Variants in LEKR1 observed in about 807,000 individuals in gnomAD.
LEKR1 encodes the protein leucine, glutamate and lysine rich 1.
In LEKR1, 59 loss-of-function variants were observed where a neutral mutation model predicts 72.4. The ratio of observed to expected loss-of-function variants is 0.82; its 90% CI spans 0.66 to 1.01. The LOEUF (loss-of-function observed/expected upper bound fraction) is 1.01, where lower values mean the gene tolerates loss of function less well. LEKR1 is among the 50% of genes least tolerant of loss of function. The pLI, the probability that LEKR1 is intolerant of heterozygous loss-of-function variation, is 0.00. For synonymous variants in LEKR1, 257 were observed against 263.2 expected, an observed-to-expected ratio of 0.98 and a Z score of 0.23; for missense variants, 728 against 759.2, an observed-to-expected ratio of 0.96 and a Z score of 0.48.
Position 156,861,466 on chromosome 3 carries a change from A to T in LEKR1, c.263+8484A>T, listed in dbSNP as rs369386879. On this transcript the variant is annotated intron_variant, in intron 3 of 12. Coordinates refer to ENST00000356539, the MANE Select transcript of LEKR1 (RefSeq NM_001004316.3). ...GATGGGGCCTACTTCCTAGGGAACT[A>T]TTTTCAATCTCTGGGGCCTTTTCAA... 1.8e-4 allele frequency among the ~76,000 whole-genome samples: 27 copies of T among 152,150 alleles called. No homozygotes were observed. In the South Asian group the frequency reaches 5.6e-3, roughly 32 times the overall value.
At chr3:156,992,614 T>C in intron 7 of LEKR1, 39 bp from the exon 8 acceptor site, 1 of 401,112 alleles carries the variant, frequency 2.5e-6, no homozygotes, top group African/African-American at 2.2e-5. Flanking sequence ...ATACTTTATT[T>C]TGAAATAATA....
chr3:156,911,696 G>A (rs1451128972), intron 3 of LEKR1, among the ~76,000 whole-genome samples: 1 of 151,860 alleles, frequency 6.6e-6, no homozygotes, highest in African/African-American at 2.4e-5. Context: ...GAGAGGTAGG[G>A]GTCCAGTTTC....
chr3:156,900,240 G>C (rs866485949), intron 3 of LEKR1, among the ~76,000 whole-genome samples: 5 of 152,224 alleles, frequency 3.3e-5, no homozygotes, highest in Middle Eastern at 6.8e-3. Flanking sequence ...GGGGAATCTA[G>C]ATTCTTACGT....
chr3:156,950,616 G>C (rs533177686), intron 6 of LEKR1, among the ~76,000 whole-genome samples: 1 of 151,426 alleles, frequency 6.6e-6, no homozygotes, highest in East Asian at 1.9e-4. Flanking sequence ...GTGTATGTGT[G>C]TGTGAGTATG....
At chr3:156,922,378 T>C (rs1040871389) in intron 4 of LEKR1, among the ~76,000 whole-genome samples, 4 of 151,588 alleles carry the variant, frequency 2.6e-5, no homozygotes, top group African/African-American at 9.7e-5. Context: ...TCTTCTGTCT[T>C]GAAGAGGTAA....
intron 1 of LEKR1, among the ~76,000 whole-genome samples, 156 bp from the exon 2 acceptor site, chr3:156,829,130 C>G (rs768785929): frequency 6.6e-6 from 1 of 152,202 alleles, no homozygotes; most frequent in East Asian, 1.9e-4. Flanking sequence ...GGAGAAAACC[C>G]TAACTGTACC....
At chr3:156,953,288 C>G (rs1727330910) in intron 6 of LEKR1, among the ~76,000 whole-genome samples, 1 of 151,474 alleles carries the variant, frequency 6.6e-6, no homozygotes, top group Non-Finnish European at 1.5e-5. Flanking sequence ...ACATTGTACA[C>G]TAGTTTAGTG....
intron 10 of LEKR1, among the ~76,000 whole-genome samples, chr3:157,014,355 T>C (rs1346906375): frequency 6.6e-6 from 1 of 152,098 alleles, no homozygotes; most frequent in African/African-American, 2.4e-5. Flanking sequence ...AGCAAAACCT[T>C]ATTTCTTGGC....
intron 12 of LEKR1, among the ~76,000 whole-genome samples, chr3:157,042,704 CTT>C (rs1269672577): frequency 1.3e-5 from 2 of 152,174 alleles, no homozygotes; most frequent in African/African-American, 4.8e-5. Flanking sequence ...AAGAAGAGCT[CTT>C]GTCATCACAT....
chr3:156,960,906 T>C, intron 6 of LEKR1, among the ~76,000 whole-genome samples: 1 of 152,226 alleles, frequency 6.6e-6, no homozygotes, highest in East Asian at 1.9e-4. Flanking sequence ...TAGCTCACAC[T>C]AATAACTTCC....
At chr3:156,845,195 T>C (rs1027340106) in intron 2 of LEKR1, among the ~76,000 whole-genome samples, 1 of 151,864 alleles carries the variant, frequency 6.6e-6, no homozygotes, top group Non-Finnish European at 1.5e-5. Context: ...TAATTAGACT[T>C]TTTTTTTCTG....
chr3:156,992,493 G>T (rs776344639), intron 7 of LEKR1, among the ~76,000 whole-genome samples, 160 bp from the exon 8 acceptor site: 3 of 152,124 alleles, frequency 2.0e-5, no homozygotes, highest in Non-Finnish European at 2.9e-5. Context: ...CAGAAGCTTT[G>T]TTGGCCAGTA....
chr3:157,045,495 C>T lies in LEKR1; in HGVS notation c.1824C>T (p.Thr608=). The T allele has an allele frequency of 1.2e-6, 2 of 1,614,148 alleles. No homozygotes were observed. The highest frequency in any genetic ancestry group is 1.1e-5 in the South Asian group (1 of 91,082). The change falls in exon 13 of 13, where the codon ACC becomes ACT. Residue 608 remains threonine (T), a synonymous_variant. Coordinates refer to ENST00000356539, the MANE Select transcript of LEKR1 (RefSeq NM_001004316.3). Reference sequence around the variant, plus strand: ...GTTCCCTCAGCAAGGGCAGCCTAACCTCCCCTGCTGCAGCAGTCAGTAATC... The same window carrying T: ...GTTCCCTCAGCAAGGGCAGCCTAACTTCCCCTGCTGCAGCAGTCAGTAATC... The part of the protein sequence containing the change: ...SPCSLSKGSL[T]SPAAAVSNHG...
rs13094367 is a variant in LEKR1 at position 156,951,565 on chromosome 3, A to G, written c.745+8851A>G. 2.4e-3 allele frequency among the ~76,000 whole-genome samples: 361 copies of G among 151,600 alleles called. 3 individuals are homozygous for G. Among genetic ancestry groups the G allele is most frequent in the Non-Finnish European group, 3.3e-3 (222 of 67,712 alleles). On this transcript the variant is annotated intron_variant, in intron 6 of 12. Transcript: ENST00000356539. ...TGTTATTGGTCTGTTCTGGGAATCA[A>G]TTTGTTCCTGGTTCAGTATTAGGAG...
chr3:156,885,446 C>A (rs991851893), intron 3 of LEKR1, among the ~76,000 whole-genome samples: 5 of 152,196 alleles, frequency 3.3e-5, no homozygotes, highest in African/African-American at 1.2e-4. Flanking sequence ...TCAAGGCTTG[C>A]TGTTCAGATC....
intron 4 of LEKR1, chr3:156,925,341 G>T (rs1724617344): frequency 6.7e-6 from 1 of 149,576 alleles, no homozygotes; most frequent in Non-Finnish European, 1.5e-5. Flanking sequence ...GTTTGTGTGT[G>T]TCTTCTTTAG....
intron 9 of LEKR1, among the ~76,000 whole-genome samples, chr3:157,006,209 G>A (rs1406020549): frequency 6.7e-6 from 1 of 149,328 alleles, no homozygotes; most frequent in Admixed American, 6.7e-5. Context: ...GTTTCACCTT[G>A]TTAGCCAGGA....
chr3:156,943,377 G>A (rs1026819430), intron 6 of LEKR1, among the ~76,000 whole-genome samples: 2 of 151,822 alleles, frequency 1.3e-5, no homozygotes, highest in Non-Finnish European at 2.9e-5. Context: ...GTAGGGAAGG[G>A]AACTCACATT....
chr3:156,949,167 A>C (rs1726939375), intron 6 of LEKR1, among the ~76,000 whole-genome samples: 1 of 151,658 alleles, frequency 6.6e-6, no homozygotes, highest in Admixed American at 6.6e-5. Flanking sequence ...AAGTTTAATT[A>C]GATCCTATTT....
Sources: gnomAD v4.1 joint callset for allele counts (sites outside exome capture counted in the v4.1 genomes callset) on GRCh38, gnomAD v4.1.1 for gene constraint, MANE v1.5 for transcripts, NCBI Gene and HGNC (gene_info 2026-07-23, HGNC 2026-07-21) for gene names.